The following ATP13A1 variants were observed in gnomAD, a reference collection of about 807,000 sequenced individuals.
ATP13A1 encodes endoplasmic reticulum transmembrane helix translocase.
In ATP13A1, 55 loss-of-function variants were observed where a neutral mutation model predicts 134.8. The ratio of observed to expected loss-of-function variants is 0.41; its 90% CI spans 0.33 to 0.51. The LOEUF (loss-of-function observed/expected upper bound fraction) is 0.51, where lower values mean the gene tolerates loss of function less well. Ranked by LOEUF, ATP13A1 falls within the 20% of genes least tolerant of loss-of-function variation. The probability of loss-of-function intolerance (pLI) is 0.29; values close to 1 mark genes in which losing one functional copy is unlikely to be tolerated. For synonymous variants in ATP13A1, 775 were observed against 725.1 expected (o/e 1.07, Z -1.10); for missense variants, 1,389 against 1,652.8 (o/e 0.84, Z 2.77).
In ATP13A1 at chr19:19,650,158, C is replaced by A. The variant is rs192160400; in HGVS notation, c.2336-218G>T. 9 of 593,372 alleles carry A rather than the reference C, an allele frequency of 1.5e-5. No homozygotes were observed. In the East Asian group the frequency reaches 2.5e-4, roughly 17 times the overall value. 36.8% of individuals were successfully genotyped at this position (593,372 alleles called of 1,614,324 possible). A position where few individuals can be genotyped will look rare whatever the true frequency, so the allele number is the denominator to read the frequency against. ...AAGAGCCTGGGGCCTGAGCTACTTG[C>A]CTGAGAGCCCGGGACACAGCCAGAT... On this transcript the variant is annotated intron_variant, in intron 17 of 25. Transcript: ENST00000357324.
chr19:19,659,837 T>G (rs372199721), intron 2 of ATP13A1, 46 bp from the exon 3 acceptor site: 1 of 1,599,432 alleles, frequency 6.3e-7, no homozygotes, highest in Admixed American at 1.7e-5. Context: ...GACCTTGGGG[T>G]GTCAGCGCCT....
intron 12 of ATP13A1, 147 bp downstream of exon 12, chr19:19,654,972 C>T (rs1259560779): frequency 2.2e-6 from 3 of 1,333,558 alleles, no homozygotes; most frequent in Non-Finnish European, 3.0e-6. Context: ...ACACCCAGGA[C>T]TTTGTGGGGA....
chr19:19,660,204 G>A (rs1599438544), intron 1 of ATP13A1, among the ~76,000 whole-genome samples: 1 of 152,336 alleles, frequency 6.6e-6, no homozygotes, highest in South Asian at 2.1e-4. Context: ...GCACAAGGCT[G>A]GGCACGGTGA....
At position 19,655,517 on chromosome 19, in the gene ATP13A1, G is replaced by T; in HGVS notation, c.1396+11C>A. ...GTGGGCGCAGGGGACCACAGAGGCCGTGGCGCTTACCTTCAATCCATACAT... is the reference window on the plus strand; with the variant it reads ...GTGGGCGCAGGGGACCACAGAGGCCTTGGCGCTTACCTTCAATCCATACAT... On this transcript the variant is annotated intron_variant, in intron 10 of 25. Coordinates refer to ENST00000357324, the MANE Select transcript of ATP13A1 (RefSeq NM_020410.3). The surrounding 1 kb of genome is among the most constrained non-coding windows in gnomAD (Gnocchi z 5.7). The T allele has an allele frequency of 6.2e-7, 1 of 1,613,986 alleles. No individual in the cohort carries two copies. Among genetic ancestry groups the T allele is most frequent in the South Asian group, 1.1e-5 (1 of 91,088 alleles).
At chr19:19,646,596 A>G in intron 22 of ATP13A1, 1 of 557,182 alleles carries the variant, frequency 1.8e-6, no homozygotes, top group Non-Finnish European at 3.2e-6. Context: ...GGGGCCTGAG[A>G]ATCATGAAGC....
In ATP13A1 at chr19:19,647,511, C is replaced by T; in HGVS notation, c.2811G>A (p.Val937=). 1.9e-6 allele frequency: 3 copies of T among 1,612,884 alleles called. No homozygotes were observed. The highest frequency in any genetic ancestry group is 2.5e-6 in the Non-Finnish European group (3 of 1,179,412). The stretch of plus-strand genomic sequence containing the variant: ...TACTCTCGTCCTCGAGGTCTCGCAG[C>T]ACCTGGCTCAGGCGGTCCTGCAGGG... ...PTSQRDRLSQ[V]LRDLEDESTP... The change falls in exon 21 of 26, where the codon GTG becomes GTA. Residue 937 remains valine, a synonymous_variant. Coordinates refer to ENST00000357324, the MANE Select transcript of ATP13A1 (RefSeq NM_020410.3). This position sits in a 1 kb window ranked among gnomAD's most constrained non-coding sequence, Gnocchi z 4.8.
In ATP13A1 at chr19:19,645,490, G is replaced by A; in HGVS notation, c.3547C>T (p.Leu1183=). The A allele has an allele frequency of 6.2e-7, 1 of 1,608,188 alleles. No homozygotes were observed. The highest frequency in any genetic ancestry group is 2.2e-5 in the East Asian group (1 of 44,614). ...IAQVLLLDFC[L]ALLADRVLQF... ...AGGACGCGGTCGGCCAGGAGCGCCAGGCAGAAGTCCAGGAGCAGGACCTGG... is the reference window on the plus strand; with the variant it reads ...AGGACGCGGTCGGCCAGGAGCGCCAAGCAGAAGTCCAGGAGCAGGACCTGG... The change falls in exon 26 of 26, where the codon CTG becomes TTG. Residue 1183 remains leucine, a synonymous_variant. Coordinates refer to ENST00000357324, the MANE Select transcript of ATP13A1 (RefSeq NM_020410.3). The surrounding 1 kb of genome is among the most constrained non-coding windows in gnomAD (Gnocchi z 4.1).
intron 1 of ATP13A1, 104 bp downstream of exon 1, chr19:19,663,167 G>A: frequency 6.7e-7 from 1 of 1,492,562 alleles, no homozygotes. Context: ...AGGCCAGGCA[G>A]ATGAGTGGCC....
intron 22 of ATP13A1, 146 bp from the exon 23 acceptor site, chr19:19,646,493 C>G (rs551246667): frequency 1.0e-6 from 1 of 979,824 alleles, no homozygotes; most frequent in African/African-American, 1.6e-5. Flanking sequence ...GGGTCAGCAC[C>G]AGTCCCTGGA....
rs773488617 is a variant in ATP13A1, at chr19:19,649,595, G to A, written c.2604C>T (p.Asp868=). The A allele has an allele frequency of 2.3e-5, 37 of 1,613,694 alleles. No homozygotes were observed. In the East Asian group the frequency reaches 6.5e-4, roughly 28 times the overall value. The change falls in exon 19 of 26, where the codon GAC becomes GAT. Residue 868 remains aspartate, a synonymous_variant. Coordinates refer to ENST00000357324, the MANE Select transcript of ATP13A1 (RefSeq NM_020410.3). ...CGTCAGCATGCTTCAGGGCGCCCAC[G>A]TCGTTGGTGCCATCCCCACACATGA... ...VTLMCGDGTN[D]VGALKHADVG...
Position 19,646,210 on chromosome 19 carries a change from G to T in ATP13A1, c.3243C>A (p.Pro1081=). The T allele has an allele frequency of 6.2e-7, 1 of 1,613,686 alleles. No individual in the cohort carries two copies. Among genetic ancestry groups the T allele is most frequent in the Non-Finnish European group, 8.5e-7 (1 of 1,179,730 alleles). Residue 1081 remains proline (P), a synonymous_variant, in exon 23 of 26, where the codon CCC becomes CCA. Transcript: ENST00000357324. ...YLYREAQARS[P]EKQEQFVDLY... ...TCCTCCAAGGCAGCACTTACTTCTC[G>T]GGGCTCCGGGCCTGGGCCTCACGGT...
rs201426024 is a variant in ATP13A1, at chr19:19,657,377, G to A, written c.709C>T (p.Leu237Phe). The A allele has an allele frequency of 6.4e-7, 1 of 1,573,738 alleles. No individual in the cohort carries two copies. The highest frequency in any genetic ancestry group is 1.2e-5 in the South Asian group (1 of 85,524). Reference sequence around the variant, plus strand: ...GGGGCTGTGGCTCTCTCCTTGAAAAGCTCCGAGAAGTCAGGCACCACCATC... The same window carrying A: ...GGGGCTGTGGCTCTCTCCTTGAAAAACTCCGAGAAGTCAGGCACCACCATC... ...AEMVVPDFSE[L>F]FKERATAPFF... Residue 237 changes from leucine to phenylalanine, a missense_variant, in exon 4 of 26, where the codon CTT (leucine) becomes TTT (phenylalanine). Physicochemically the swap from Leu to Phe is conservative, Grantham distance 22 (BLOSUM62 0). Around this residue, in one of 4 missense-constraint regions of ATP13A1, gnomAD observed 747 missense variants for 956.1 expected, o/e 0.78. Transcript: ENST00000357324.
At chr19:19,654,168 C>A in intron 13 of ATP13A1, 24 bp from the exon 14 acceptor site, 1 of 1,564,602 alleles carries the variant, frequency 6.4e-7, no homozygotes, top group Non-Finnish European at 8.7e-7. Flanking sequence ...AGTACGAGTC[C>A]TGAGGGGCTT....
Position 19,647,805 on chromosome 19 carries a change from A to G in ATP13A1, c.2633-46T>C, listed in dbSNP as rs1206563302. On this transcript the variant is annotated intron_variant, in intron 19 of 25. Coordinates refer to ENST00000357324, the MANE Select transcript of ATP13A1 (RefSeq NM_020410.3). The surrounding 1 kb of genome is among the most constrained non-coding windows in gnomAD (Gnocchi z 4.8). ...AGACCCGGAGGAGCAGGCTCCACGGAGGGGAAGATTGCTGGCTTCAGAGCC... is the reference window on the plus strand; with the variant it reads ...AGACCCGGAGGAGCAGGCTCCACGGGGGGGAAGATTGCTGGCTTCAGAGCC... 1 of 1,535,442 alleles carries G rather than the reference A, an allele frequency of 6.5e-7. No individual in the cohort carries two copies. The highest frequency in any genetic ancestry group is 8.7e-7 in the Non-Finnish European group (1 of 1,145,012).
intron 18 of ATP13A1, 35 bp from the exon 19 acceptor site, chr19:19,649,698 G>A (rs770115810): frequency 3.5e-5 from 57 of 1,613,358 alleles, no homozygotes; most frequent in South Asian, 6.6e-5. Flanking sequence ...CAGGGGCTGC[G>A]TGCCTACCGC....
chr19:19,652,449 C>T, intron 16 of ATP13A1, 146 bp downstream of exon 16: 1 of 1,236,794 alleles, frequency 8.1e-7, no homozygotes, highest in South Asian at 1.5e-5. Flanking sequence ...GGGCCAGTGG[C>T]AATGTTAGCA....
At position 19,652,604 on chromosome 19, in the gene ATP13A1, C is replaced by T. The variant is rs769241237; in HGVS notation, c.2217G>A (p.Ala739=). 162 of 1,608,212 alleles carry T rather than the reference C, an allele frequency of 1.0e-4. 1 individual carries two copies. The Admixed American group carries it at 2.3e-3, about 23-fold the overall frequency. The change falls in exon 16 of 26, where the codon GCG becomes GCA. Residue 739 remains alanine, a synonymous_variant. Transcript: ENST00000357324. ...GAGCACCGTCCCATACCCGGTGGGA[C>T]GCATTCTGGATCTCCCGGATCACGG... is the stretch of plus-strand genomic sequence containing the variant. The part of the protein sequence containing the change: ...SKAVIREIQN[A]SHRVVMITGD...
intron 16 of ATP13A1, 107 bp downstream of exon 16, chr19:19,652,488 C>T (rs994111297): frequency 1.1e-5 from 16 of 1,436,680 alleles, no homozygotes; most frequent in Non-Finnish European, 1.5e-5. Flanking sequence ...TCAGCTAAAA[C>T]ATGCAGCCTG....
Position 19,646,282 on chromosome 19 carries a change from G to A in ATP13A1, c.3171C>T (p.Thr1057=), listed in dbSNP as rs765482990. The A allele has an allele frequency of 9.9e-6, 16 of 1,613,836 alleles. No individual in the cohort carries two copies. The highest frequency in any genetic ancestry group is 5.3e-5 in the African/African-American group (4 of 74,906). ...AGTGCACAAAGAACTGGAGCATGAC[G>A]GTGAGGATGGTGTACAGGTTGAAGA... ...PNIFNLYTIL[T]VMLQFFVHFL... The change falls in exon 23 of 26, where the codon ACC becomes ACT. Residue 1057 remains threonine (T), a synonymous_variant. Transcript: ENST00000357324.
Sources: gnomAD v4.1 joint callset for allele counts (sites outside exome capture counted in the v4.1 genomes callset) on GRCh38, gnomAD v4.1.1 for gene constraint, gnomAD v4.1.1 regional missense constraint, Gnocchi (gnomAD v3.1) non-coding constraint, MANE v1.5 for transcripts, NCBI Gene and HGNC (gene_info 2026-07-23, HGNC 2026-07-21) for gene names.